Variants in PITPNM2 observed in about 807,000 individuals in gnomAD.
PITPNM2 encodes phosphatidylinositol transfer protein membrane associated 2, also known as membrane-associated phosphatidylinositol transfer protein 2.
PITPNM2 carries 35 observed loss-of-function variants against 132.2 expected under a neutral mutation model. The observed-to-expected ratio is 0.26, with a 90% CI of 0.20 to 0.35. The LOEUF is 0.35. Among genes scored for constraint, PITPNM2 ranks in the 10% least tolerant of loss-of-function variants. PITPNM2 has a pLI of 1.00. For synonymous variants in PITPNM2, 738 were observed against 799.2 expected (o/e 0.92, Z 1.29); for missense variants, 1,332 against 1,912.0 (o/e 0.70, Z 5.66).
Position 123,112,023 on chromosome 12 carries a change from G to C in PITPNM2, c.-199-1535C>G, listed in dbSNP as rs536502260. ...GCTCCAGCCCACCACAATGCTTCTC[G>C]GCGGGTGAGAAGGGCAGTGGTGACT... is the stretch of plus-strand genomic sequence containing the variant. On this transcript the variant is annotated intron_variant, in intron 1 of 25. Coordinates refer to ENST00000320201, the MANE Select transcript of PITPNM2 (RefSeq NM_020845.3). 1.5e-4 allele frequency among the ~76,000 whole-genome samples: 23 copies of C among 152,294 alleles called. No homozygotes were observed. The South Asian group carries it at 3.3e-3, about 22-fold the overall frequency.
intron 2 of PITPNM2, among the ~76,000 whole-genome samples, chr12:123,071,433 A>G (rs1347607059): frequency 6.6e-6 from 1 of 152,184 alleles, no homozygotes; most frequent in Admixed American, 6.5e-5. Context: ...CGCAGGCTGG[A>G]TAACTCTGCT....
chr12:123,116,528 C>T (rs967816342), intron 1 of PITPNM2, among the ~76,000 whole-genome samples: 1 of 151,562 alleles, frequency 6.6e-6, no homozygotes, highest in Non-Finnish European at 1.5e-5. Flanking sequence ...CACATTCCTG[C>T]GTCTCAGCTA....
intron 2 of PITPNM2, among the ~76,000 whole-genome samples, chr12:123,066,315 G>A (rs984914186): frequency 3.3e-5 from 5 of 152,136 alleles, no homozygotes; most frequent in Admixed American, 3.3e-4. Flanking sequence ...GGAAACACAC[G>A]GAGTGGGCTG....
At chr12:123,142,332 G>A (rs762491638) in intron 1 of PITPNM2, among the ~76,000 whole-genome samples, 20 of 152,176 alleles carry the variant, frequency 1.3e-4, no homozygotes, top group African/African-American at 4.3e-4. Flanking sequence ...AATACAAATC[G>A]TGCTCTGGAC....
chr12:123,131,156 T>C (rs2043253753), intron 1 of PITPNM2, among the ~76,000 whole-genome samples: 1 of 152,228 alleles, frequency 6.6e-6, no homozygotes, highest in South Asian at 2.1e-4. Context: ...AATGTGACTT[T>C]ACTTGGAAAT....
chr12:123,051,006 C>T (rs896298926), intron 2 of PITPNM2, among the ~76,000 whole-genome samples: 5 of 152,176 alleles, frequency 3.3e-5, no homozygotes, highest in Non-Finnish European at 5.9e-5. Flanking sequence ...CAACTCCAAG[C>T]GATGCCATTC....
rs542057163 is a variant in PITPNM2, at chr12:123,097,617, C to T, written c.-96+12768G>A. On this transcript the variant is annotated intron_variant, in intron 2 of 25. Coordinates refer to ENST00000320201, the MANE Select transcript of PITPNM2 (RefSeq NM_020845.3). The surrounding 1 kb of genome is among the most constrained non-coding windows in gnomAD (Gnocchi z 4.7). Reference sequence around the variant, plus strand: ...CTTATTTATAGCCAAGCAGCCTGTCCGCACGCTCTCCAGTGCAGCCTGCCT... The same window carrying T: ...CTTATTTATAGCCAAGCAGCCTGTCTGCACGCTCTCCAGTGCAGCCTGCCT... Among the ~76,000 whole-genome samples the T allele has an allele frequency of 6.6e-6, 1 of 152,308 alleles. No individual in the cohort carries two copies. The highest frequency in any genetic ancestry group is 1.9e-4 in the East Asian group (1 of 5,190).
chr12:123,049,071 C>T (rs1325513925), intron 2 of PITPNM2, among the ~76,000 whole-genome samples: 1 of 152,028 alleles, frequency 6.6e-6, no homozygotes, highest in Non-Finnish European at 1.5e-5. Context: ...GAGTTTGAGG[C>T]TACACCGAGC....
Position 123,000,955 on chromosome 12 carries a change from A to G in PITPNM2, c.1153+99T>C. 1.3e-6 allele frequency: 2 copies of G among 1,535,278 alleles called. No individual in the cohort carries two copies. Among genetic ancestry groups the G allele is most frequent in the Non-Finnish European group, 1.8e-6 (2 of 1,109,646 alleles). ...GGGAGCTTGGGGGTCCCCAACTCACATGTATGCCCAGCACTGTGCAGAAGC... is the reference window on the plus strand; with the variant it reads ...GGGAGCTTGGGGGTCCCCAACTCACGTGTATGCCCAGCACTGTGCAGAAGC... On this transcript the variant is annotated intron_variant, in intron 9 of 25. Transcript: ENST00000320201. This position sits in a 1 kb window ranked among gnomAD's most constrained non-coding sequence, Gnocchi z 5.4.
chr12:123,014,083 G>A, intron 3 of PITPNM2, 41 bp from the exon 4 acceptor site: 1 of 1,607,274 alleles, frequency 6.2e-7, no homozygotes, highest in Non-Finnish European at 8.5e-7. Context: ...TGGGGCCAGA[G>A]CACTCTTCAG....
Position 123,064,578 on chromosome 12 carries a change from A to G in PITPNM2, c.-95-29893T>C. Among the ~76,000 whole-genome samples, 1 of 152,206 alleles carries G rather than the reference A, an allele frequency of 6.6e-6. No individual in the cohort carries two copies. Among genetic ancestry groups the G allele is most frequent in the Non-Finnish European group, 1.5e-5 (1 of 68,026 alleles). On this transcript the variant is annotated intron_variant, in intron 2 of 25. Transcript: ENST00000320201. The surrounding 1 kb of genome is among the most constrained non-coding windows in gnomAD (Gnocchi z 4.0). ...GGCTATTTCGGGAAGCTCTGCGCAC[A>G]GCCCGCCACTTCCCTGCCAGGCTGA...
Position 122,995,369 on chromosome 12 carries a change from AG to A in PITPNM2, c.2054+19del. On this transcript the variant is annotated intron_variant, in intron 14 of 25. Transcript: ENST00000320201. ...CTTCCCACACCCAGAGGCAAGCCCC[AG>A]CCCCCCAGCCCTGCCCACCTGGACA... is the stretch of plus-strand genomic sequence containing the variant. 6.4e-7 allele frequency: 1 copy of A among 1,566,382 alleles called. No homozygotes were observed. The highest frequency in any genetic ancestry group is 8.7e-7 in the Non-Finnish European group (1 of 1,153,658).
intron 2 of PITPNM2, chr12:123,088,880 C>T (rs1181512753): frequency 1.3e-5 from 2 of 152,242 alleles, no homozygotes; most frequent in Non-Finnish European, 2.9e-5. Flanking sequence ...CCTTTGCACT[C>T]ATGTTGCTGC....
Position 122,994,751 on chromosome 12 carries a change from C to T in PITPNM2, c.2233+50G>A. The T allele has an allele frequency of 6.4e-7, 1 of 1,558,310 alleles. No homozygotes were observed. ...CACAGGGGTCCACTGAGACCCCCGC[C>T]CCCGCACCCAGTGCATGTACCCCCC... On this transcript the variant is annotated intron_variant, in intron 15 of 25. Coordinates refer to ENST00000320201, the MANE Select transcript of PITPNM2 (RefSeq NM_020845.3). The surrounding 1 kb of genome is among the most constrained non-coding windows in gnomAD (Gnocchi z 5.4).
At chr12:123,057,135 C>T (rs1052379615) in intron 2 of PITPNM2, among the ~76,000 whole-genome samples, 1 of 152,124 alleles carries the variant, frequency 6.6e-6, no homozygotes, top group African/African-American at 2.4e-5. Flanking sequence ...AATCCCAGCA[C>T]TTTGAGAGGC....
chr12:123,065,590 G>A lies in PITPNM2; in HGVS notation c.-95-30905C>T, dbSNP rs899967826. 7.5e-4 allele frequency among the ~76,000 whole-genome samples: 114 copies of A among 152,258 alleles called. 1 individual carries two copies. Among genetic ancestry groups the A allele is most frequent in the Admixed American group, 7.5e-3 (114 of 15,282 alleles). ...AGGTAAAAGCAAGGGGCCCAGAAAA[G>A]GGAAAGGATTTTGGCAAGTTGGTGT... On this transcript the variant is annotated intron_variant, in intron 2 of 25. Transcript: ENST00000320201.
intron 1 of PITPNM2, among the ~76,000 whole-genome samples, chr12:123,122,797 A>G (rs922305071): frequency 5.9e-5 from 9 of 152,192 alleles, no homozygotes; most frequent in Non-Finnish European, 8.8e-5. Flanking sequence ...ACTACCCTAC[A>G]GCCTGCCCTT....
At chr12:123,136,313 AT>A (rs2043381828) in intron 1 of PITPNM2, among the ~76,000 whole-genome samples, 3 of 152,026 alleles carry the variant, frequency 2.0e-5, no homozygotes, top group African/African-American at 4.8e-5. Flanking sequence ...AAAAAAAAAA[AT>A]TAAACTCATT....
intron 3 of PITPNM2, among the ~76,000 whole-genome samples, chr12:123,030,193 T>C (rs951852838): frequency 2.0e-5 from 3 of 152,036 alleles, no homozygotes; most frequent in African/African-American, 4.8e-5. Context: ...CAAAACATAC[T>C]CACTAGGGTA....
Sources: allele counts gnomAD v4.1 joint callset (sites outside exome capture counted in the v4.1 genomes callset), GRCh38; gene constraint gnomAD v4.1.1; non-coding constraint Gnocchi (gnomAD v3.1); transcripts MANE v1.5; gene names NCBI Gene and HGNC (gene_info 2026-07-23, HGNC 2026-07-21).